Variants in ASCC1 observed in about 807,000 individuals in gnomAD.
The protein encoded by ASCC1 is ASC-1 complex subunit P50.
In ASCC1, 35 loss-of-function variants were observed where a neutral mutation model predicts 46.6. That is an observed-to-expected ratio of 0.75 (90% CI 0.57 to 0.99). The LOEUF is 0.99. Among genes scored for constraint, ASCC1 ranks in the 50% least tolerant of loss-of-function variants. The pLI is 0.00. For missense variants in ASCC1, 376 were observed against 428.7 expected (o/e 0.88, Z 1.09); for synonymous variants, 143 against 146.6 (o/e 0.98, Z 0.18).
intron 7 of ASCC1, among the ~76,000 whole-genome samples, chr10:72,146,007 G>GCT (rs779104504): frequency 7.4e-4 from 112 of 152,258 alleles, no homozygotes; most frequent in Admixed American, 1.5e-3. Context: ...GGAAAATAAT[G>GCT]CTCTTTCGTG....
intron 9 of ASCC1, among the ~76,000 whole-genome samples, chr10:72,122,247 C>T (rs1388731085): frequency 1.3e-5 from 2 of 152,030 alleles, no homozygotes; most frequent in Non-Finnish European, 2.9e-5. Context: ...GGTGAAACCC[C>T]ATCTCTACTG....
intron 9 of ASCC1, among the ~76,000 whole-genome samples, chr10:72,112,640 G>A (rs945257683): frequency 3.3e-5 from 5 of 152,048 alleles, no homozygotes; most frequent in African/African-American, 1.2e-4. Flanking sequence ...ACATCACTTT[G>A]GGAGGCCCAG....
intron 5 of ASCC1, among the ~76,000 whole-genome samples, chr10:72,191,654 T>A (rs1854521927): frequency 6.6e-6 from 1 of 151,990 alleles, no homozygotes; most frequent in Non-Finnish European, 1.5e-5. Context: ...AAAAAAAATT[T>A]TCTTTTTTTT....
chr10:72,137,622 A>G (rs1564631387), intron 7 of ASCC1, among the ~76,000 whole-genome samples: 1 of 152,066 alleles, frequency 6.6e-6, no homozygotes, highest in African/African-American at 2.4e-5. Context: ...GCTTCCTTAT[A>G]TAGTTATCTT....
intron 2 of ASCC1, 124 bp from the exon 3 acceptor site, chr10:72,210,955 G>A (rs774311901): frequency 1.3e-5 from 10 of 798,286 alleles, no homozygotes; most frequent in Non-Finnish European, 2.1e-5. Context: ...AGAACAGCCG[G>A]ACACTGTACA....
intron 9 of ASCC1, among the ~76,000 whole-genome samples, chr10:72,116,893 G>C (rs1211669479): frequency 6.6e-6 from 1 of 152,140 alleles, no homozygotes; most frequent in Non-Finnish European, 1.5e-5. Context: ...AGAAGTTCAA[G>C]ACCAGTCTGG....
chr10:72,127,177 A>T lies in ASCC1; in HGVS notation c.957+905T>A, dbSNP rs869734. ...ACTCCCTCCTCCACCTCAGCAAAAC[A>T]CCCATAGCCTTGAAAATGACCTAAA... On this transcript the variant is annotated intron_variant, in intron 9 of 9. Coordinates refer to ENST00000672957, the MANE Select transcript of ASCC1 (RefSeq NM_001198800.3). 6.3e-3 allele frequency among the ~76,000 whole-genome samples: 963 copies of T among 152,270 alleles called. 8 individuals are homozygous for T. The highest frequency in any genetic ancestry group is 0.022 in the African/African-American group (919 of 41,566).
chr10:72,127,253 A>G (rs1844972679), intron 9 of ASCC1, among the ~76,000 whole-genome samples: 2 of 152,218 alleles, frequency 1.3e-5, no homozygotes, highest in Admixed American at 1.3e-4. Flanking sequence ...CATTAGTATC[A>G]ACTTATGTTT....
intron 5 of ASCC1, among the ~76,000 whole-genome samples, chr10:72,177,681 G>A (rs1564703098): frequency 6.6e-6 from 1 of 152,164 alleles, no homozygotes; most frequent in Non-Finnish European, 1.5e-5. Flanking sequence ...ACTGGACCCT[G>A]CTGTGAGATA....
chr10:72,205,630 C>CA (rs35572254), intron 3 of ASCC1, among the ~76,000 whole-genome samples: 126 of 116,838 alleles, frequency 1.1e-3, no homozygotes, highest in East Asian at 3.4e-3. Flanking sequence ...AACTCCATCT[C>CA]AAAAAAAAAA....
intron 7 of ASCC1, among the ~76,000 whole-genome samples, chr10:72,145,091 A>G (rs1434650729): frequency 6.6e-6 from 1 of 152,172 alleles, no homozygotes; most frequent in East Asian, 1.9e-4. Flanking sequence ...TTGTTTTAAC[A>G]TTCAGAAAAT....
chr10:72,142,404 T>C, intron 7 of ASCC1, among the ~76,000 whole-genome samples: 1 of 151,666 alleles, frequency 6.6e-6, no homozygotes, highest in Non-Finnish European at 1.5e-5. Context: ...TCTTCCTCTG[T>C]TGCCCAGGTT....
rs571897084 is a variant in ASCC1, at chr10:72,097,260, G to C, written c.*74C>G. 1.6e-5 allele frequency: 17 copies of C among 1,040,802 alleles called. No individual in the cohort carries two copies. Among genetic ancestry groups the C allele is most frequent in the Non-Finnish European group, 2.3e-5 (15 of 662,978 alleles). The allele number at this position is 1,040,802 out of a possible 1,614,324, so 64.5% of individuals were successfully genotyped here. A position where few individuals can be genotyped will look rare whatever the true frequency, so the allele number is the denominator to read the frequency against. On this transcript the variant is annotated 3_prime_UTR_variant, in exon 10 of 10. Transcript: ENST00000672957. ...ATCCAAATGTCCACATCCCTGCTTG[G>C]CAATTAAAACGAAGACACTTTTCTT...
At chr10:72,207,813 G>T (rs557958159) in intron 3 of ASCC1, among the ~76,000 whole-genome samples, 2 of 112,406 alleles carry the variant, frequency 1.8e-5, no homozygotes, top group Non-Finnish European at 3.9e-5. Context: ...AGAAATCTTA[G>T]TATTTTTTTT....
intron 5 of ASCC1, among the ~76,000 whole-genome samples, chr10:72,196,279 C>CTTTT (rs573100323): frequency 7.3e-6 from 1 of 136,396 alleles, no homozygotes; most frequent in African/African-American, 2.7e-5. Context: ...TGTCTTAAAT[C>CTTTT]TTTTTTTTTT....
intron 5 of ASCC1, among the ~76,000 whole-genome samples, chr10:72,182,815 GA>G (rs764472124): frequency 3.9e-4 from 49 of 126,762 alleles, no homozygotes; most frequent in Admixed American, 3.9e-4. Context: ...GTCTCTAAAA[GA>G]AAAAAAAAAA....
At position 72,097,379 on chromosome 10, in the gene ASCC1, G is replaced by A. The variant is rs139178661; in HGVS notation, c.1029C>T (p.Asp343=). 3.7e-6 allele frequency: 6 copies of A among 1,613,832 alleles called. No homozygotes were observed. In the African/African-American group the frequency reaches 8.0e-5, roughly 22 times the overall value. The change falls in exon 10 of 10, where the codon GAC becomes GAT. Residue 343 remains aspartate, a synonymous_variant. Transcript: ENST00000672957. ...SIHISQRFTV[D]SFGNYASCGQ... The stretch of plus-strand genomic sequence containing the variant: ...CACAGGAAGCGTAGTTTCCAAAGCT[G>A]TCTACGGTGAACCTCTGAGAGATGT...
chr10:72,190,235 C>A, intron 5 of ASCC1: 1 of 768,736 alleles, frequency 1.3e-6, no homozygotes, highest in South Asian at 1.3e-5. Context: ...CTGAAGCCTT[C>A]AATCTGTTGC....
At chr10:72,183,893 C>CA (rs1853031219) in intron 5 of ASCC1, among the ~76,000 whole-genome samples, 1 of 152,082 alleles carries the variant, frequency 6.6e-6, no homozygotes, top group South Asian at 2.1e-4. Flanking sequence ...CCTGTAATCC[C>CA]AGCACTTTGG....
Sources: gnomAD v4.1 joint callset for allele counts (sites outside exome capture counted in the v4.1 genomes callset) on GRCh38, gnomAD v4.1.1 for gene constraint, MANE v1.5 for transcripts, NCBI Gene and HGNC (gene_info 2026-07-23, HGNC 2026-07-21) for gene names.